The following ASAP2 variants were observed in gnomAD, a reference collection of about 807,000 sequenced individuals.
ASAP2 encodes arf-GAP with SH3 domain, ANK repeat and PH domain-containing protein 2.
In ASAP2, 45 loss-of-function variants were observed where a neutral mutation model predicts 131.4. The observed-to-expected ratio is 0.34, with a 90% CI of 0.27 to 0.44. ASAP2 has a LOEUF of 0.44. Ranked by LOEUF, ASAP2 falls within the 20% of genes least tolerant of loss-of-function variation. The probability of loss-of-function intolerance (pLI) is 1.00; values close to 1 mark genes in which losing one functional copy is unlikely to be tolerated. For missense variants in ASAP2, 1,011 were observed against 1,297.0 expected (o/e 0.78, Z 3.39); for synonymous variants, 510 against 503.0 (o/e 1.01, Z -0.19).
At chr2:9,293,074 C>T (rs1178799237) in intron 2 of ASAP2, among the ~76,000 whole-genome samples, 1 of 152,162 alleles carries the variant, frequency 6.6e-6, no homozygotes, top group Non-Finnish European at 1.5e-5. Context: ...TTGCACTGGG[C>T]CTTCTCCTTG....
At chr2:9,276,486 T>TA (rs532399242) in intron 1 of ASAP2, among the ~76,000 whole-genome samples, 387 of 152,292 alleles carry the variant, frequency 2.5e-3, no homozygotes, top group Non-Finnish European at 4.8e-3. Flanking sequence ...GGAAGCCTTA[T>TA]AGTGCCTGGG....
At chr2:9,308,925 T>C (rs922319508) in intron 3 of ASAP2, among the ~76,000 whole-genome samples, 3 of 152,224 alleles carry the variant, frequency 2.0e-5, no homozygotes, top group Non-Finnish European at 4.4e-5. Context: ...TCAAAAATAC[T>C]TTCTGCCTGG....
intron 1 of ASAP2, among the ~76,000 whole-genome samples, chr2:9,264,203 AT>A (rs368241804): frequency 0.027 from 4,003 of 150,494 alleles, 175 homozygotes; most frequent in Admixed American, 0.082. Flanking sequence ...AAAAATAATA[AT>A]AATAATAATA....
At chr2:9,230,148 C>T (rs75387670) in intron 1 of ASAP2, among the ~76,000 whole-genome samples, 88 of 152,298 alleles carry the variant, frequency 5.8e-4, no homozygotes, top group African/African-American at 2.1e-3. Flanking sequence ...TCTAGGCACT[C>T]ACAGTTTCAG....
chr2:9,265,195 T>C (rs1233989124), intron 1 of ASAP2, among the ~76,000 whole-genome samples: 1 of 152,238 alleles, frequency 6.6e-6, no homozygotes, highest in East Asian at 1.9e-4. Context: ...AACAACTGTT[T>C]ACATAGCATT....
At position 9,207,148 on chromosome 2, in the gene ASAP2, A is replaced by G; in HGVS notation, c.44A>G (p.His15Arg). 1 of 1,604,752 alleles carries G rather than the reference A, an allele frequency of 6.2e-7. No homozygotes were observed. The highest frequency in any genetic ancestry group is 8.5e-7 in the Non-Finnish European group (1 of 1,176,116). Reference sequence around the variant, plus strand: ...GTGTCGGAATTCGTGGCCGAGACCCATGAGGACTACAAGGCGCCCACGGCC... The same window carrying G: ...GTGTCGGAATTCGTGGCCGAGACCCGTGAGGACTACAAGGCGCCCACGGCC... Reference protein sequence around the residue: ...ISVSEFVAETHEDYKAPTASS... With the variant: ...ISVSEFVAETREDYKAPTASS... Residue 15 changes from histidine (H) to arginine (R), a missense_variant, in exon 1 of 28, where the codon CAT (histidine) becomes CGT (arginine). Around this residue, in one of 2 missense-constraint regions of ASAP2, gnomAD observed 359 missense variants for 598.1 expected, o/e 0.60. Coordinates refer to ENST00000281419, the MANE Select transcript of ASAP2 (RefSeq NM_003887.3). The surrounding 1 kb of genome is among the most constrained non-coding windows in gnomAD (Gnocchi z 4.1).
intron 23 of ASAP2, among the ~76,000 whole-genome samples, chr2:9,391,725 C>T (rs1386226118): frequency 6.6e-6 from 1 of 151,042 alleles, no homozygotes; most frequent in Admixed American, 6.6e-5. Context: ...CAGGAGCCTG[C>T]CACCATGCTC....
intron 1 of ASAP2, among the ~76,000 whole-genome samples, chr2:9,273,740 T>C (rs907110586): frequency 2.0e-5 from 3 of 152,200 alleles, no homozygotes; most frequent in African/African-American, 4.8e-5. Flanking sequence ...TGAGCCAGTT[T>C]ATTGATCTGG....
intron 3 of ASAP2, among the ~76,000 whole-genome samples, chr2:9,309,865 G>A (rs1669184595): frequency 6.6e-6 from 1 of 152,164 alleles, no homozygotes; most frequent in African/African-American, 2.4e-5. Flanking sequence ...GTGAAGAGGG[G>A]CATGTAGCTA....
intron 15 of ASAP2, among the ~76,000 whole-genome samples, chr2:9,364,055 A>C (rs1184386077): frequency 6.6e-6 from 1 of 152,220 alleles, no homozygotes; most frequent in African/African-American, 2.4e-5. Context: ...TTTCCTTCTT[A>C]ATGTAGAAGA....
chr2:9,236,959 C>G (rs1404538688), intron 1 of ASAP2, among the ~76,000 whole-genome samples: 1 of 152,054 alleles, frequency 6.6e-6, no homozygotes, highest in African/African-American at 2.4e-5. Context: ...CCAGGCAGGG[C>G]TGGGGTACGG....
chr2:9,208,818 C>CA (rs910524437), intron 1 of ASAP2, among the ~76,000 whole-genome samples: 17 of 152,098 alleles, frequency 1.1e-4, no homozygotes, highest in African/African-American at 3.9e-4. Flanking sequence ...TGATTGCAAC[C>CA]AAAAAGGTAG....
intron 11 of ASAP2, among the ~76,000 whole-genome samples, chr2:9,347,565 C>G (rs975608092): frequency 1.4e-4 from 21 of 152,134 alleles, no homozygotes; most frequent in Non-Finnish European, 4.4e-5. Context: ...AAAACCCTTC[C>G]CAGGAAGCTG....
At chr2:9,356,488 T>C in intron 14 of ASAP2, 143 bp downstream of exon 14, 2 of 1,028,640 alleles carry the variant, frequency 1.9e-6, no homozygotes, top group Non-Finnish European at 1.4e-6. Context: ...ATTACACAAA[T>C]GCTTAATGAA....
intron 3 of ASAP2, among the ~76,000 whole-genome samples, chr2:9,308,958 G>A (rs763203282): frequency 6.6e-6 from 1 of 152,086 alleles, no homozygotes; most frequent in Non-Finnish European, 1.5e-5. Flanking sequence ...TCAGATAAGC[G>A]GCCTTTAGAA....
At chr2:9,269,111 G>C (rs1666157821) in intron 1 of ASAP2, among the ~76,000 whole-genome samples, 1 of 152,084 alleles carries the variant, frequency 6.6e-6, no homozygotes, top group African/African-American at 2.4e-5. Flanking sequence ...CGGGCCTCAA[G>C]GCGGTATGTA....
intron 1 of ASAP2, among the ~76,000 whole-genome samples, chr2:9,239,230 A>T (rs1663770064): frequency 6.6e-6 from 1 of 151,966 alleles, no homozygotes. Context: ...CACTGCAACT[A>T]CTCTTTGGTG....
chr2:9,344,850 G>T (rs1307475242), intron 11 of ASAP2, 50 bp downstream of exon 11: 1 of 1,532,572 alleles, frequency 6.5e-7, no homozygotes, highest in South Asian at 1.1e-5. Flanking sequence ...GGTGAGGTTG[G>T]TGTTGGAGGA....
intron 7 of ASAP2, among the ~76,000 whole-genome samples, chr2:9,331,311 G>A (rs868470910): frequency 6.6e-6 from 1 of 152,186 alleles, no homozygotes; most frequent in Non-Finnish European, 1.5e-5. Flanking sequence ...AGAATACTTC[G>A]TGTTCTTTTA....
Sources: gnomAD v4.1 joint callset for allele counts (sites outside exome capture counted in the v4.1 genomes callset) on GRCh38, gnomAD v4.1.1 for gene constraint, gnomAD v4.1.1 regional missense constraint, Gnocchi (gnomAD v3.1) non-coding constraint, MANE v1.5 for transcripts, NCBI Gene and HGNC (gene_info 2026-07-23, HGNC 2026-07-21) for gene names.